The following STK32B variants were observed in gnomAD, a reference collection of about 807,000 sequenced individuals.
The protein encoded by STK32B is serine/threonine kinase 32B.
In STK32B, 43 loss-of-function variants were observed where a neutral mutation model predicts 52.6. The ratio of observed to expected loss-of-function variants is 0.82; its 90% CI spans 0.64 to 1.05. The LOEUF is 1.05. STK32B is among the 50% of genes least tolerant of loss of function. The probability of loss-of-function intolerance (pLI) is 0.00; values close to 1 mark genes in which losing one functional copy is unlikely to be tolerated. For synonymous variants in STK32B, 238 were observed against 204.3 expected (o/e 1.17, Z -1.41); for missense variants, 621 against 534.6 (o/e 1.16, Z -1.59).
rs572736314 is a variant in STK32B, at chr4:5,118,904, A to G, written c.53-21001A>G. On this transcript the variant is annotated intron_variant, in intron 1 of 11. Coordinates refer to ENST00000282908, the MANE Select transcript of STK32B (RefSeq NM_018401.3). ...ACCTGTGTTGTGCTGTCTTCCTCCC[A>G]TGGCAGCCTCAGCACCATAGACGAG... 1.2e-4 allele frequency among the ~76,000 whole-genome samples: 18 copies of G among 152,220 alleles called. No homozygotes were observed. In the South Asian group the frequency reaches 1.9e-3, roughly 16 times the overall value.
intron 1 of STK32B, among the ~76,000 whole-genome samples, chr4:5,082,193 G>A (rs1423742885): frequency 6.6e-6 from 1 of 152,102 alleles, no homozygotes; most frequent in African/African-American, 2.4e-5. Context: ...GGTACTGAGA[G>A]CCTCCCATTT....
intron 3 of STK32B, among the ~76,000 whole-genome samples, chr4:5,238,603 T>G (rs1002880879): frequency 1.3e-5 from 2 of 152,260 alleles, no homozygotes; most frequent in African/African-American, 4.8e-5. Flanking sequence ...TTGTTTAAAC[T>G]GTGGATGGAA....
At chr4:5,212,750 A>T (rs537242840) in intron 3 of STK32B, among the ~76,000 whole-genome samples, 7 of 152,228 alleles carry the variant, frequency 4.6e-5, no homozygotes, top group Non-Finnish European at 1.0e-4. Flanking sequence ...CAATTTGGAC[A>T]TAAGTGTCAT....
chr4:5,137,033 C>G (rs1413991015), intron 1 of STK32B, among the ~76,000 whole-genome samples: 1 of 152,204 alleles, frequency 6.6e-6, no homozygotes, highest in Non-Finnish European at 1.5e-5. Context: ...TGTTATAACA[C>G]TAATTATTAA....
At chr4:5,122,381 T>TTCACTCAC (rs57737223) in intron 1 of STK32B, among the ~76,000 whole-genome samples, 2 of 151,470 alleles carry the variant, frequency 1.3e-5, no homozygotes, top group East Asian at 3.9e-4. Context: ...CACTCATTCA[T>TTCACTCAC]TCACTCACTC....
chr4:5,146,851 G>T (rs532143933), intron 2 of STK32B, among the ~76,000 whole-genome samples: 2 of 152,226 alleles, frequency 1.3e-5, no homozygotes, highest in Admixed American at 6.5e-5. Flanking sequence ...AAATCAGGTA[G>T]TATAAGTCCT....
chr4:5,238,488 A>G, intron 3 of STK32B, among the ~76,000 whole-genome samples: 1 of 151,816 alleles, frequency 6.6e-6, no homozygotes, highest in East Asian at 1.9e-4. Flanking sequence ...CTCTTTTTAC[A>G]TTTTTCAAAT....
intron 3 of STK32B, among the ~76,000 whole-genome samples, chr4:5,225,793 C>G (rs1723828124): frequency 1.3e-5 from 2 of 152,146 alleles, no homozygotes; most frequent in Non-Finnish European, 2.9e-5. Context: ...TATTGTAGCA[C>G]CAAACCAGAA....
In STK32B at chr4:5,143,101, C is replaced by CTG. The variant is rs1553835236; in HGVS notation, c.108+3142_108+3143insGT. Among the ~76,000 whole-genome samples, 136 of 135,688 alleles carry CTG rather than the reference C, an allele frequency of 1.0e-3. 3 individuals carry two copies. The East Asian group carries it at 0.03, about 30-fold the overall frequency. 89.0% of individuals were successfully genotyped at this position (135,688 alleles called of 152,430 possible). A position where few individuals can be genotyped will look rare whatever the true frequency, so the allele number is the denominator to read the frequency against. The stretch of plus-strand genomic sequence containing the variant: ...AAAATAAATCTGTTTCTGTCTCTGT[C>CTG]TCTGTCTGTCTGTCTGTCTGTCTGT... On this transcript the variant is annotated intron_variant, in intron 2 of 11. Coordinates refer to ENST00000282908, the MANE Select transcript of STK32B (RefSeq NM_018401.3).
At chr4:5,078,583 A>G (rs1160871462) in intron 1 of STK32B, among the ~76,000 whole-genome samples, 1 of 152,170 alleles carries the variant, frequency 6.6e-6, no homozygotes, top group Non-Finnish European at 1.5e-5. Context: ...TGAGCTCCAG[A>G]TTCTGTCTGG....
chr4:5,164,803 G>A (rs951078188), intron 2 of STK32B, among the ~76,000 whole-genome samples: 1 of 152,218 alleles, frequency 6.6e-6, no homozygotes, highest in Non-Finnish European at 1.5e-5. Flanking sequence ...CTGTGACTCT[G>A]TGACTCCCTG....
chr4:5,113,931 CCT>C (rs1336449447), intron 1 of STK32B, among the ~76,000 whole-genome samples: 1 of 151,406 alleles, frequency 6.6e-6, no homozygotes, highest in Non-Finnish European at 1.5e-5. Flanking sequence ...AACCCGCCCC[CCT>C]TTTTAAAAAC....
chr4:5,496,806 A>T (rs1009066911), intron 11 of STK32B, among the ~76,000 whole-genome samples: 124 of 127,686 alleles, frequency 9.7e-4, no homozygotes, highest in African/African-American at 3.7e-3. Context: ...TCTTTGCTTT[A>T]AAAAAAAAAA....
At position 5,051,734 on chromosome 4, in the gene STK32B, C is replaced by T. The variant is rs1577609970; in HGVS notation, c.-130C>T. 1.5e-6 allele frequency: 2 copies of T among 1,315,840 alleles called. No homozygotes were observed. Among genetic ancestry groups the T allele is most frequent in the African/African-American group, 1.5e-5 (1 of 66,838 alleles). 81.5% of individuals were successfully genotyped at this position (1,315,840 alleles called of 1,614,324 possible). On this transcript the variant is annotated 5_prime_UTR_variant, in exon 1 of 12. Transcript: ENST00000282908. ...CCGCCCCTGCACGGTGCTCGGCCCC[C>T]TCGGGCTCCGCGCGCGGCTACAACC...
intron 6 of STK32B, among the ~76,000 whole-genome samples, chr4:5,422,543 G>A (rs1367319548): frequency 2.6e-5 from 4 of 152,212 alleles, no homozygotes; most frequent in Non-Finnish European, 5.9e-5. Context: ...TCTCTAAAAT[G>A]TGCCAGATTA....
intron 11 of STK32B, among the ~76,000 whole-genome samples, chr4:5,494,505 T>C (rs1483646979): frequency 1.3e-5 from 2 of 152,186 alleles, no homozygotes; most frequent in Non-Finnish European, 2.9e-5. Context: ...ATACAGCACA[T>C]GGATGGCTCT....
In STK32B at chr4:5,063,408, T is replaced by A. The variant is rs142326999; in HGVS notation, c.52+11493T>A. Among the ~76,000 whole-genome samples the A allele has an allele frequency of 2.3e-3, 348 of 152,254 alleles. 2 individuals are homozygous for A. Among genetic ancestry groups the A allele is most frequent in the African/African-American group, 7.0e-3 (290 of 41,552 alleles). ...CCCAGGCTGGAGTGCAGTGGTGCGA[T>A]CTTGGCTCACTGCAACCTCCACCTC... On this transcript the variant is annotated intron_variant, in intron 1 of 11. Transcript: ENST00000282908.
chr4:5,399,357 C>G lies in STK32B; in HGVS notation c.472+1113C>G, dbSNP rs150310882. 0.011 allele frequency among the ~76,000 whole-genome samples: 1,723 copies of G among 152,278 alleles called. 21 individuals are homozygous for G. The highest frequency in any genetic ancestry group is 0.018 in the Non-Finnish European group (1,232 of 68,034). On this transcript the variant is annotated intron_variant, in intron 5 of 11. Coordinates refer to ENST00000282908, the MANE Select transcript of STK32B (RefSeq NM_018401.3). The surrounding 1 kb of genome is among the most constrained non-coding windows in gnomAD (Gnocchi z 5.4). ...CATGGTTCTATCTCAGAGCTCCTCT[C>G]GAACCTTCCATGAGCCAGCAGCATA...
intron 1 of STK32B, among the ~76,000 whole-genome samples, chr4:5,127,419 T>G (rs181694773): frequency 6.6e-6 from 1 of 152,264 alleles, no homozygotes; most frequent in Non-Finnish European, 1.5e-5. Flanking sequence ...TTGCCCTGAT[T>G]CTTCATCGGT....
Sources: allele counts gnomAD v4.1 joint callset (sites outside exome capture counted in the v4.1 genomes callset), GRCh38; gene constraint gnomAD v4.1.1; non-coding constraint Gnocchi (gnomAD v3.1); transcripts MANE v1.5; gene names NCBI Gene and HGNC (gene_info 2026-07-23, HGNC 2026-07-21).